Variants in TTLL6 observed in about 807,000 individuals in gnomAD.
TTLL6 encodes tubulin tyrosine ligase like 6, also known as tubulin polyglutamylase TTLL6.
A neutral mutation model predicts 96.4 loss-of-function variants in TTLL6; 75 were observed. The observed-to-expected ratio is 0.78, with a 90% CI of 0.65 to 0.94. The LOEUF (loss-of-function observed/expected upper bound fraction) is 0.94. Among genes scored for constraint, TTLL6 ranks in the 40% least tolerant of loss-of-function variants. TTLL6 has a pLI of 0.00. For missense variants in TTLL6, 1,030 were observed against 1,093.0 expected (o/e 0.94, Z 0.81); for synonymous variants, 411 against 419.4 (o/e 0.98, Z 0.24).
chr17:48,762,392 G>A lies in TTLL6; in HGVS notation c.*582C>T, dbSNP rs1173439924. The A allele has an allele frequency of 6.6e-6, 1 of 152,408 alleles. No homozygotes were observed. Among genetic ancestry groups the A allele is most frequent in the Non-Finnish European group, 1.5e-5 (1 of 68,220 alleles). 9.4% of individuals were successfully genotyped at this position (152,408 alleles called of 1,614,324 possible). ...GTTGGGCTGGTGAGGGAGGTCACCAGAGGATGCTCGGGCACTGAGGTGGCA... is the reference window on the plus strand; with the variant it reads ...GTTGGGCTGGTGAGGGAGGTCACCAAAGGATGCTCGGGCACTGAGGTGGCA... On this transcript the variant is annotated 3_prime_UTR_variant, in exon 16 of 16. Coordinates refer to ENST00000393382, the MANE Select transcript of TTLL6 (RefSeq NM_001130918.3).
At chr17:48,803,049 A>G (rs969055782) in intron 3 of TTLL6, among the ~76,000 whole-genome samples, 6 of 152,032 alleles carry the variant, frequency 3.9e-5, no homozygotes, top group Non-Finnish European at 8.8e-5. Flanking sequence ...GCATGCCTGT[A>G]ATTCCAGCTA....
At chr17:48,786,414 A>G in intron 11 of TTLL6, 79 bp from the exon 12 acceptor site, 1 of 1,569,860 alleles carries the variant, frequency 6.4e-7, no homozygotes, top group South Asian at 1.1e-5. Flanking sequence ...AGGGATGGAC[A>G]TGACTGGGCG....
intron 13 of TTLL6, among the ~76,000 whole-genome samples, chr17:48,784,610 C>A (rs1318312794): frequency 2.0e-5 from 3 of 152,268 alleles, no homozygotes; most frequent in South Asian, 4.1e-4. Context: ...TGGTTTCAGA[C>A]TTCCAGCCTC....
chr17:48,778,344 G>A (rs2038922098), intron 13 of TTLL6, among the ~76,000 whole-genome samples: 1 of 151,136 alleles, frequency 6.6e-6, no homozygotes, highest in Admixed American at 6.6e-5. Flanking sequence ...AGAAAGGAAG[G>A]AAGGAAGGAA....
Position 48,777,790 on chromosome 17 carries a change from A to G in TTLL6, c.2040+7133T>C, listed in dbSNP as rs570652793. Among the ~76,000 whole-genome samples the G allele has an allele frequency of 1.3e-4, 20 of 151,966 alleles. No individual in the cohort carries two copies. The East Asian group carries it at 1.9e-3, about 15-fold the overall frequency. The stretch of plus-strand genomic sequence containing the variant: ...GCCGGGCATGGTGGTGGGCGCCTGT[A>G]GTCCCAGCTCCTCAGGAGGCTGAGA... On this transcript the variant is annotated intron_variant, in intron 13 of 15. Transcript: ENST00000393382.
chr17:48,770,442 C>G (rs1445747055), intron 13 of TTLL6, among the ~76,000 whole-genome samples: 1 of 151,890 alleles, frequency 6.6e-6, no homozygotes, highest in African/African-American at 2.4e-5. Flanking sequence ...CTAAAAGTCT[C>G]TAAACATGAA....
At chr17:48,790,977 GGT>G (rs1235845197) in intron 9 of TTLL6, among the ~76,000 whole-genome samples, 1 of 152,116 alleles carries the variant, frequency 6.6e-6, no homozygotes, top group Non-Finnish European at 1.5e-5. Context: ...GCTCTCTGCT[GGT>G]GTGTGTGAAC....
chr17:48,785,301 G>A (rs1182910353), intron 12 of TTLL6, 100 bp from the exon 13 acceptor site: 8 of 1,541,078 alleles, frequency 5.2e-6, no homozygotes, highest in Non-Finnish European at 7.0e-6. Context: ...GAGATGAGGA[G>A]AAGGAAAGCA....
At chr17:48,808,143 T>C (rs551556505) in intron 1 of TTLL6, among the ~76,000 whole-genome samples, 1 of 152,352 alleles carries the variant, frequency 6.6e-6, no homozygotes, top group East Asian at 1.9e-4. Flanking sequence ...CGGCCATTTC[T>C]AGTTTTTAAT....
chr17:48,806,052 T>A (rs1344108546), intron 1 of TTLL6: 2 of 151,390 alleles, frequency 1.3e-5, no homozygotes, highest in Non-Finnish European at 2.9e-5. Flanking sequence ...GAGGTTGTGG[T>A]GAGCCAAGAT....
At chr17:48,774,560 A>G (rs1031401455) in intron 13 of TTLL6, among the ~76,000 whole-genome samples, 1 of 152,106 alleles carries the variant, frequency 6.6e-6, no homozygotes, top group Non-Finnish European at 1.5e-5. Flanking sequence ...TACTAATATC[A>G]GGAATGAAAA....
At chr17:48,764,724 A>G (rs1170967340) in intron 15 of TTLL6, among the ~76,000 whole-genome samples, 1 of 152,176 alleles carries the variant, frequency 6.6e-6, no homozygotes, top group African/African-American at 2.4e-5. Context: ...ATTCTGCTGT[A>G]TATAGTCTTT....
intron 11 of TTLL6, 29 bp downstream of exon 11, chr17:48,787,782 C>T (rs765461200): frequency 7.5e-6 from 12 of 1,601,206 alleles, no homozygotes; most frequent in Non-Finnish European, 1.0e-5. Flanking sequence ...AGAACCCCTC[C>T]ACCGACCTCA....
At chr17:48,769,313 C>CCA in intron 14 of TTLL6, 59 bp from the exon 15 acceptor site, 1 of 1,528,084 alleles carries the variant, frequency 6.5e-7, no homozygotes, top group Non-Finnish European at 8.8e-7. Flanking sequence ...GCACAAATTC[C>CCA]TGGTGAAGAC....
At chr17:48,814,935 C>T (rs545314778) in intron 1 of TTLL6, among the ~76,000 whole-genome samples, 50 of 152,224 alleles carry the variant, frequency 3.3e-4, no homozygotes, top group African/African-American at 1.0e-3. Context: ...TGCACCACCA[C>T]GCCTGGCTAA....
In TTLL6 at chr17:48,796,082, T is replaced by A; in HGVS notation, c.977A>T (p.Asp326Val). The A allele has an allele frequency of 6.4e-7, 1 of 1,551,480 alleles. No individual in the cohort carries two copies. The highest frequency in any genetic ancestry group is 8.7e-7 in the Non-Finnish European group (1 of 1,146,860). The part of the protein sequence containing the change: ...INKHSSNFSR[D>V]AHSGSKRKLS... ...TTACCTCTTACTGCCAGAGTGTGCA[T>A]CTCGACTGAAATTTGAACTGTGCTT... The change falls in exon 8 of 16, where the codon GAT becomes GTT. Residue 326 changes from aspartate to valine, a missense_variant. Physicochemically the swap from Asp to Val is radical, Grantham distance 152. Transcript: ENST00000393382.
intron 1 of TTLL6, among the ~76,000 whole-genome samples, chr17:48,807,220 T>C (rs1169725816): frequency 2.6e-5 from 4 of 151,384 alleles, no homozygotes; most frequent in Non-Finnish European, 5.9e-5. Context: ...CCCGAGTAGC[T>C]GGGATTACTA....
rs1172560372 is a variant in TTLL6 at position 48,785,049 on chromosome 17, G to A, written c.1914C>T (p.Pro638=). Reference sequence around the variant, plus strand: ...TCCTCAGATCGGGTAGAGAACTGAAGGGCTTCGCAGACGTCAGCTTGGGGA... The same window carrying A: ...TCCTCAGATCGGGTAGAGAACTGAAAGGCTTCGCAGACGTCAGCTTGGGGA... ...SVFPKLTSAK[P]FSSLPDLRNI... is the part of the protein sequence containing the mutation. The change falls in exon 13 of 16, where the codon CCC becomes CCT. Residue 638 remains proline (P), a synonymous_variant. Coordinates refer to ENST00000393382, the MANE Select transcript of TTLL6 (RefSeq NM_001130918.3). The A allele has an allele frequency of 1.9e-6, 3 of 1,614,170 alleles. No homozygotes were observed. Among genetic ancestry groups the A allele is most frequent in the Non-Finnish European group, 2.5e-6 (3 of 1,180,012 alleles).
In TTLL6 at chr17:48,789,935, T is replaced by C. The variant is rs368145196; in HGVS notation, c.1396A>G (p.Met466Val). ...QFLQQCCSRE[M>V]RIEEAKGFRA... The stretch of plus-strand genomic sequence containing the variant: ...GGCTGGGGAGTGCGAATGTACCTCA[T>C]CTCCCGAGAACAACACTGCTGCAGG... Residue 466 changes from methionine (M) to valine (V), a missense_variant, in exon 10 of 16, where the codon ATG becomes GTG. Met to Val is a conservative substitution (Grantham distance 21). Transcript: ENST00000393382. 3.7e-6 allele frequency: 6 copies of C among 1,613,672 alleles called. No individual in the cohort carries two copies. The highest frequency in any genetic ancestry group is 1.3e-5 in the African/African-American group (1 of 74,796).
Sources: gnomAD v4.1 joint callset for allele counts (sites outside exome capture counted in the v4.1 genomes callset) on GRCh38, gnomAD v4.1.1 for gene constraint, MANE v1.5 for transcripts, NCBI Gene and HGNC (gene_info 2026-07-23, HGNC 2026-07-21) for gene names.